The following FNDC3B variants were observed in gnomAD, a reference collection of about 807,000 sequenced individuals.
The protein encoded by FNDC3B is fibronectin type III domain-containing protein 3B.
A neutral mutation model predicts 151.5 loss-of-function variants in FNDC3B; 12 were observed. That is an observed-to-expected ratio of 0.08 (90% CI 0.05 to 0.13). The LOEUF is 0.13. Ranked by LOEUF, FNDC3B falls within the 10% of genes least tolerant of loss-of-function variation. FNDC3B has a pLI of 1.00. For synonymous variants in FNDC3B, 528 were observed against 549.0 expected (o/e 0.96, Z 0.54); for missense variants, 1,214 against 1,505.3 (o/e 0.81, Z 3.20).
intron 6 of FNDC3B, among the ~76,000 whole-genome samples, chr3:172,284,478 A>G (rs1048650976): frequency 6.6e-6 from 1 of 152,138 alleles, no homozygotes; most frequent in African/African-American, 2.4e-5. Context: ...TCAGATTTTG[A>G]TAATTGATAA....
At chr3:172,321,015 A>G (rs1313554110) in intron 11 of FNDC3B, among the ~76,000 whole-genome samples, 1 of 152,246 alleles carries the variant, frequency 6.6e-6, no homozygotes, top group Non-Finnish European at 1.5e-5. Flanking sequence ...TTATGATCTT[A>G]ATCAAATACT....
chr3:172,264,972 TAGGAGG>T, intron 6 of FNDC3B, among the ~76,000 whole-genome samples: 1 of 152,300 alleles, frequency 6.6e-6, no homozygotes, highest in Non-Finnish European at 1.5e-5. Flanking sequence ...ATGATCTCAG[TAGGAGG>T]TAAACAACCT....
intron 1 of FNDC3B, among the ~76,000 whole-genome samples, chr3:172,103,803 T>C (rs778318658): frequency 2.0e-5 from 3 of 152,204 alleles, no homozygotes; most frequent in Non-Finnish European, 4.4e-5. Context: ...ACAACTGTGA[T>C]TTTACTTCAC....
chr3:172,318,402 A>G (rs978460424), intron 11 of FNDC3B, among the ~76,000 whole-genome samples: 5 of 152,206 alleles, frequency 3.3e-5, no homozygotes, highest in African/African-American at 1.2e-4. Flanking sequence ...TTAGGGATTG[A>G]GTTGGCCCCG....
At chr3:172,340,567 TG>T (rs1733253955) in intron 16 of FNDC3B, among the ~76,000 whole-genome samples, 1 of 152,196 alleles carries the variant, frequency 6.6e-6, no homozygotes, top group Non-Finnish European at 1.5e-5. Flanking sequence ...ATTACAGGCG[TG>T]AGCCACCGCC....
chr3:172,064,418 T>G (rs1029580188), intron 1 of FNDC3B, among the ~76,000 whole-genome samples: 2 of 152,244 alleles, frequency 1.3e-5, no homozygotes, highest in African/African-American at 4.8e-5. Context: ...TTATTTATAA[T>G]CTATCTGCTG....
intron 3 of FNDC3B, among the ~76,000 whole-genome samples, chr3:172,166,193 A>G (rs9290445): frequency 0.75 from 114,065 of 152,136 alleles, 44,184 homozygotes; most frequent in African/African-American, 0.84. Flanking sequence ...GGAATTGGGA[A>G]GGCCACCATC....
rs1376777642 is a variant in FNDC3B at position 172,039,677 on chromosome 3, G to C, written c.-123G>C. Reference sequence around the variant, plus strand: ...GAGCGGCGGCGGCGGGAGCAGCGAAGGGGGCGGCAGGGATCCTCCAGGCTG... The same window carrying C: ...GAGCGGCGGCGGCGGGAGCAGCGAACGGGGCGGCAGGGATCCTCCAGGCTG... On this transcript the variant is annotated 5_prime_UTR_variant, in exon 1 of 26. Coordinates refer to ENST00000415807, the MANE Select transcript of FNDC3B (RefSeq NM_022763.4). 6.1e-6 allele frequency: 1 copy of C among 164,206 alleles called. No homozygotes were observed. 10.2% of individuals were successfully genotyped at this position (164,206 alleles called of 1,614,324 possible). A position where few individuals can be genotyped will look rare whatever the true frequency, so the allele number is the denominator to read the frequency against.
intron 19 of FNDC3B, among the ~76,000 whole-genome samples, chr3:172,345,587 C>A (rs572345104): frequency 6.6e-6 from 1 of 152,048 alleles, no homozygotes; most frequent in Non-Finnish European, 1.5e-5. Flanking sequence ...TTTGTTTCCC[C>A]CCTCCCCGCC....
At chr3:172,382,549 A>G (rs555016629) in intron 25 of FNDC3B, among the ~76,000 whole-genome samples, 2 of 152,322 alleles carry the variant, frequency 1.3e-5, no homozygotes, top group East Asian at 3.9e-4. Context: ...ACCCATGCCT[A>G]TGTTCCGAAT....
chr3:172,319,922 A>C (rs1322290889), intron 11 of FNDC3B, among the ~76,000 whole-genome samples: 2 of 152,168 alleles, frequency 1.3e-5, no homozygotes. Flanking sequence ...CTATACTATT[A>C]ACAGAGAATG....
At chr3:172,233,930 G>A (rs7653242) in intron 4 of FNDC3B, among the ~76,000 whole-genome samples, 56,132 of 152,018 alleles carry the variant, frequency 0.37, 11,528 homozygotes, top group African/African-American at 0.56. Flanking sequence ...TTTCGTTTCA[G>A]TTATCAATGG....
intron 3 of FNDC3B, among the ~76,000 whole-genome samples, chr3:172,179,466 A>T (rs540588008): frequency 6.6e-6 from 1 of 152,232 alleles, no homozygotes; most frequent in Admixed American, 6.5e-5. Flanking sequence ...TATGTTCAGG[A>T]TATATGGTAT....
At chr3:172,369,418 A>G (rs1186956476) in intron 23 of FNDC3B, among the ~76,000 whole-genome samples, 2 of 152,178 alleles carry the variant, frequency 1.3e-5, no homozygotes, top group Non-Finnish European at 2.9e-5. Context: ...TTTTAAATAT[A>G]AATAAATCTC....
chr3:172,331,967 T>C (rs1012866990), intron 13 of FNDC3B, among the ~76,000 whole-genome samples: 1 of 151,742 alleles, frequency 6.6e-6, no homozygotes, highest in African/African-American at 2.4e-5. Context: ...GTATGGAGGG[T>C]TTGTGCTTGT....
At chr3:172,206,854 T>C (rs748098077) in intron 3 of FNDC3B, among the ~76,000 whole-genome samples, 65 of 152,262 alleles carry the variant, frequency 4.3e-4, no homozygotes, top group Admixed American at 3.3e-4. Flanking sequence ...TTTAGTATAT[T>C]GGGTTTGCTA....
At chr3:172,251,213 T>C (rs1405355804) in intron 5 of FNDC3B, 47 bp from the exon 6 acceptor site, 25 of 1,431,206 alleles carry the variant, frequency 1.7e-5, no homozygotes, top group Non-Finnish European at 2.4e-5. Flanking sequence ...TAATTTATTA[T>C]TGAAAATGTA....
chr3:172,396,318 A>G (rs1560115878), intron 25 of FNDC3B, among the ~76,000 whole-genome samples: 1 of 152,170 alleles, frequency 6.6e-6, no homozygotes, highest in Non-Finnish European at 1.5e-5. Context: ...AGAAGTCATT[A>G]TAGTGTCTAC....
chr3:172,207,000 G>A (rs994338460), intron 3 of FNDC3B, among the ~76,000 whole-genome samples: 1 of 152,082 alleles, frequency 6.6e-6, no homozygotes, highest in Non-Finnish European at 1.5e-5. Flanking sequence ...TATTGGACCT[G>A]TTTTTGCCTA....
Sources: allele counts gnomAD v4.1 joint callset (sites outside exome capture counted in the v4.1 genomes callset), GRCh38; gene constraint gnomAD v4.1.1; transcripts MANE v1.5; gene names NCBI Gene and HGNC (gene_info 2026-07-23, HGNC 2026-07-21).